The following TULP4 variants were observed in gnomAD, a reference collection of about 807,000 sequenced individuals.
The protein encoded by TULP4 is tubby-related protein 4.
Under a neutral mutation model 129.0 loss-of-function variants are expected in TULP4, and 16 were observed. That is an observed-to-expected ratio of 0.12 (90% CI 0.08 to 0.19). TULP4 has a LOEUF of 0.19. Among genes scored for constraint, TULP4 ranks in the 10% least tolerant of loss-of-function variants. The pLI, the probability that TULP4 is intolerant of heterozygous loss-of-function variation, is 1.00. For missense variants in TULP4, 1,842 were observed against 2,059.1 expected (o/e 0.89, Z 2.04); for synonymous variants, 998 against 854.0 (o/e 1.17, Z -2.94).
rs779776093 is a variant in TULP4 at position 158,502,654 on chromosome 6, G to A, written c.2991G>A (p.Lys997=). 4.4e-6 allele frequency: 7 copies of A among 1,573,950 alleles called. No homozygotes were observed. The South Asian group carries it at 8.0e-5, about 18-fold the overall frequency. Residue 997 remains lysine, a synonymous_variant, in exon 13 of 14, where the codon AAG becomes AAA. Transcript: ENST00000367097. ...LRRNNREATL[K]MAQLADSPRA... is the part of the protein sequence containing the mutation. ...GGAACAACCGTGAGGCTACGCTCAAGATGGCCCAGCTGGCCGACAGCCCGC... is the reference window on the plus strand; with the variant it reads ...GGAACAACCGTGAGGCTACGCTCAAAATGGCCCAGCTGGCCGACAGCCCGC...
At chr6:158,266,224 T>G (rs1412197860) in intron 1 of TULP4, among the ~76,000 whole-genome samples, 2 of 152,242 alleles carry the variant, frequency 1.3e-5, no homozygotes, top group Admixed American at 6.5e-5. Context: ...GTTTTCATAA[T>G]TATACTTCTT....
chr6:158,387,440 A>C (rs1391643591), intron 1 of TULP4, among the ~76,000 whole-genome samples: 2 of 152,222 alleles, frequency 1.3e-5, no homozygotes, highest in Non-Finnish European at 2.9e-5. Flanking sequence ...ATTGATTATA[A>C]TAGGAAATCA....
At chr6:158,241,406 T>A (rs1165335239) in intron 1 of TULP4, among the ~76,000 whole-genome samples, 1 of 139,634 alleles carries the variant, frequency 7.2e-6, no homozygotes, top group East Asian at 2.2e-4. Flanking sequence ...CTGGGAGGTG[T>A]AGGTTGTAGT....
At chr6:158,446,952 A>G (rs1316123985) in intron 3 of TULP4, among the ~76,000 whole-genome samples, 4 of 152,112 alleles carry the variant, frequency 2.6e-5, no homozygotes, top group African/African-American at 4.8e-5. Flanking sequence ...ACCTCCAAAT[A>G]CCATCAACAT....
intron 1 of TULP4, among the ~76,000 whole-genome samples, chr6:158,256,784 A>G (rs1391335805): frequency 2.0e-5 from 3 of 152,160 alleles, no homozygotes; most frequent in Non-Finnish European, 4.4e-5. Context: ...TATGTTTATT[A>G]ATTAGTGGAG....
At chr6:158,376,109 C>T (rs1458735900) in intron 1 of TULP4, among the ~76,000 whole-genome samples, 2 of 152,202 alleles carry the variant, frequency 1.3e-5, no homozygotes, top group Non-Finnish European at 2.9e-5. Context: ...GACCCAGCCC[C>T]CTTTTCCCTG....
chr6:158,258,620 G>C (rs1778291644), intron 1 of TULP4, among the ~76,000 whole-genome samples: 1 of 152,104 alleles, frequency 6.6e-6, no homozygotes, highest in African/African-American at 2.4e-5. Context: ...AATAGGAAAG[G>C]ACCTGGGCTG....
chr6:158,406,721 T>A (rs988089706), intron 1 of TULP4, among the ~76,000 whole-genome samples: 1 of 152,256 alleles, frequency 6.6e-6, no homozygotes. Flanking sequence ...GAATGGTAGT[T>A]TCGCATTCAT....
chr6:158,446,287 A>T (rs930537695), intron 3 of TULP4, among the ~76,000 whole-genome samples: 1 of 152,192 alleles, frequency 6.6e-6, no homozygotes, highest in Non-Finnish European at 1.5e-5. Context: ...CTTGATAATT[A>T]AACTGTCAGT....
intron 1 of TULP4, among the ~76,000 whole-genome samples, chr6:158,361,436 A>T (rs1187549196): frequency 6.6e-6 from 1 of 152,202 alleles, no homozygotes; most frequent in Non-Finnish European, 1.5e-5. Context: ...ATTGAGAGAG[A>T]TGAGCTTTAG....
rs1172445183 is a variant in TULP4 at position 158,241,349 on chromosome 6, C to T, written n.68+9046C>T. 1.5e-4 allele frequency among the ~76,000 whole-genome samples: 20 copies of T among 132,432 alleles called. 2 individuals are homozygous for T. The highest frequency in any genetic ancestry group is 5.0e-4 in the East Asian group (2 of 4,022). 86.9% of individuals were successfully genotyped at this position (132,432 alleles called of 152,430 possible). A position where few individuals can be genotyped will look rare whatever the true frequency, so the allele number is the denominator to read the frequency against. ...CTCACTTCCCAGACGGGGTGGCGGC[C>T]GGGCAGAGGCTGCAATCTCGGCACT... On this transcript the variant is annotated intron_variant and non_coding_transcript_variant, in intron 1 of 1. Coordinates refer to the TULP4 transcript ENST00000620026.
intron 11 of TULP4, among the ~76,000 whole-genome samples, chr6:158,497,830 G>A (rs1780365902): frequency 6.6e-6 from 1 of 152,214 alleles, no homozygotes; most frequent in African/African-American, 2.4e-5. Context: ...TCATGCTGCA[G>A]GTCAGCCGCT....
chr6:158,446,538 G>A (rs1321357220), intron 3 of TULP4, among the ~76,000 whole-genome samples: 1 of 152,172 alleles, frequency 6.6e-6, no homozygotes, highest in Non-Finnish European at 1.5e-5. Context: ...ACCTTTCAAT[G>A]CAGAGTCATT....
chr6:158,462,532 C>T (rs1349267292), intron 6 of TULP4, among the ~76,000 whole-genome samples: 11 of 151,472 alleles, frequency 7.3e-5, no homozygotes, highest in Non-Finnish European at 1.5e-5. Context: ...TGCCACCACG[C>T]CCAGCTAATT....
intron 2 of TULP4, among the ~76,000 whole-genome samples, chr6:158,422,908 G>A (rs1778381938): frequency 6.6e-6 from 1 of 152,254 alleles, no homozygotes; most frequent in Admixed American, 6.5e-5. Context: ...CCTGGGACAA[G>A]GGCCGGAAGG....
chr6:158,486,670 C>CT (rs1376540324), intron 8 of TULP4, among the ~76,000 whole-genome samples: 6 of 152,204 alleles, frequency 3.9e-5, no homozygotes, highest in South Asian at 2.1e-4. Flanking sequence ...TAGTCTTGGA[C>CT]TTTCAGCCTC....
intron 1 of TULP4, among the ~76,000 whole-genome samples, chr6:158,273,123 C>G (rs1326612458): frequency 6.6e-6 from 1 of 152,184 alleles, no homozygotes; most frequent in Non-Finnish European, 1.5e-5. Context: ...AATGTGTGTT[C>G]TTCACACAGA....
rs1780733256 is a variant in TULP4, at chr6:158,511,223, A to T, written c.*4529A>T. 2 of 152,454 alleles carry T rather than the reference A, an allele frequency of 1.3e-5. No individual in the cohort carries two copies. The highest frequency in any genetic ancestry group is 4.1e-4 in the South Asian group (2 of 4,822). The allele number at this position is 152,454 out of a possible 1,614,324, so 9.4% of individuals were successfully genotyped here. ...ATCTTGTTGTTTATTGTAGATAAAA[A>T]TTTTTTCGTGTTGTAGAAAAGCATG... is the stretch of plus-strand genomic sequence containing the variant. On this transcript the variant is annotated 3_prime_UTR_variant, in exon 14 of 14. Coordinates refer to ENST00000367097, the MANE Select transcript of TULP4 (RefSeq NM_020245.5).
chr6:158,413,249 A>G lies in TULP4; in HGVS notation c.381+56A>G. ...GGGCTGCGGGGTAGAGGACTCCCAGACAGGCATTCCGGAGCCAGTGCGTTA... is the reference window on the plus strand; with the variant it reads ...GGGCTGCGGGGTAGAGGACTCCCAGGCAGGCATTCCGGAGCCAGTGCGTTA... On this transcript the variant is annotated intron_variant, in intron 2 of 13. Coordinates refer to ENST00000367097, the MANE Select transcript of TULP4 (RefSeq NM_020245.5). The surrounding 1 kb of genome is among the most constrained non-coding windows in gnomAD (Gnocchi z 4.9). The G allele has an allele frequency of 6.4e-7, 1 of 1,554,500 alleles. No homozygotes were observed. The highest frequency in any genetic ancestry group is 8.7e-7 in the Non-Finnish European group (1 of 1,144,198).
Sources: allele counts gnomAD v4.1 joint callset (sites outside exome capture counted in the v4.1 genomes callset), GRCh38; gene constraint gnomAD v4.1.1; non-coding constraint Gnocchi (gnomAD v3.1); transcripts MANE v1.5; gene names NCBI Gene and HGNC (gene_info 2026-07-23, HGNC 2026-07-21).